Variants in ARHGAP45 observed in about 807,000 individuals in gnomAD.
ARHGAP45 encodes rho GTPase-activating protein 45.
ARHGAP45 carries 56 observed loss-of-function variants against 116.1 expected under a neutral mutation model. That is an observed-to-expected ratio of 0.48 (90% CI 0.39 to 0.60). ARHGAP45 has a LOEUF of 0.60. Among genes scored for constraint, ARHGAP45 ranks in the 20% least tolerant of loss-of-function variants. The probability of loss-of-function intolerance (pLI) is 0.00; values close to 1 mark genes in which losing one functional copy is unlikely to be tolerated. For synonymous variants in ARHGAP45, 866 were observed against 701.7 expected (o/e 1.23, Z -3.70); for missense variants, 1,622 against 1,601.0 (o/e 1.01, Z -0.22).
At position 1,079,725 on chromosome 19, in the gene ARHGAP45, AC is replaced by A. The variant is rs1472390743; in HGVS notation, c.1399del (p.Arg467AlafsTer19). 6.2e-7 allele frequency: 1 copy of A among 1,612,484 alleles called. No homozygotes were observed. Among genetic ancestry groups the A allele is most frequent in the Non-Finnish European group, 8.5e-7 (1 of 1,179,764 alleles). On this transcript the variant is annotated frameshift_variant, in exon 12 of 23. Coordinates refer to ENST00000313093, the MANE Select transcript of ARHGAP45 (RefSeq NM_012292.5). LOFTEE classifies it high-confidence loss of function. ...KNKAEEAMAT[Y>X]RTCVADAKTQ... ...CAGGCGGAGGAAGCTATGGCCACCTACCGCACCTGCGTGGCCGACGCGAAGA... is the reference window on the plus strand; with the variant it reads ...CAGGCGGAGGAAGCTATGGCCACCTACGCACCTGCGTGGCCGACGCGAAGA...
At chr19:1,076,598 G>T (rs1445583972) in intron 10 of ARHGAP45, among the ~76,000 whole-genome samples, 3 of 143,234 alleles carry the variant, frequency 2.1e-5, no homozygotes, top group Admixed American at 1.5e-4. Context: ...CTGGGCTCAA[G>T]CGATTCTTCT....
rs1265385938 is a variant in ARHGAP45, at chr19:1,076,481, GTCTTTTTTTT to G, written c.1186-1374_1186-1365del. On this transcript the variant is annotated intron_variant, in intron 10 of 22. Transcript: ENST00000313093. Reference sequence around the variant, plus strand: ...TAGAAACCTGTGATTGTTGGCAGTAGTCTTTTTTTTTTTTTTTTTTTTTTTTTTTTTTGAG... The same window carrying G: ...TAGAAACCTGTGATTGTTGGCAGTAGTTTTTTTTTTTTTTTTTTTTTTGAG... 1.8e-3 allele frequency among the ~76,000 whole-genome samples: 189 copies of G among 104,164 alleles called. 2 individuals carry two copies. Among genetic ancestry groups the G allele is most frequent in the African/African-American group, 7.2e-3 (183 of 25,336 alleles). The allele number at this position is 104,164 out of a possible 152,430, so 68.3% of individuals were successfully genotyped here. A position where few individuals can be genotyped will look rare whatever the true frequency, so the allele number is the denominator to read the frequency against.
chr19:1,084,889 C>G lies in ARHGAP45; in HGVS notation c.3064+543C>G, dbSNP rs139388963. 5.9e-3 allele frequency among the ~76,000 whole-genome samples: 896 copies of G among 152,272 alleles called. 5 individuals are homozygous for G. Among genetic ancestry groups the G allele is most frequent in the African/African-American group, 0.021 (858 of 41,554 alleles). On this transcript the variant is annotated intron_variant, in intron 22 of 22. Transcript: ENST00000313093. ...TTGAGGTTAGGAGTTCAAGACCAGC[C>G]TGACCAACATGGTGAAATCCCATCT...
In ARHGAP45 at chr19:1,084,955, A is replaced by C. The variant is rs143803530; in HGVS notation, c.3064+609A>C. On this transcript the variant is annotated intron_variant, in intron 22 of 22. Coordinates refer to ENST00000313093, the MANE Select transcript of ARHGAP45 (RefSeq NM_012292.5). ...AAATTAGACAGGTGTGGTGGAGGGC[A>C]CCTGTAATCCCAGCTACTCAGGAGG... Among the ~76,000 whole-genome samples, 237 of 152,190 alleles carry C rather than the reference A, an allele frequency of 1.6e-3. 5 individuals carry two copies. The East Asian group carries it at 0.04, about 26-fold the overall frequency.
At position 1,083,245 on chromosome 19, in the gene ARHGAP45, C is replaced by T. The variant is rs980437921; in HGVS notation, c.2847C>T (p.Ser949=). 4 of 1,605,010 alleles carry T rather than the reference C, an allele frequency of 2.5e-6. No individual in the cohort carries two copies. Among genetic ancestry groups the T allele is most frequent in the Non-Finnish European group, 2.6e-6 (3 of 1,176,174 alleles). The change falls in exon 21 of 23, where the codon TCC becomes TCT. Residue 949 remains serine, a synonymous_variant. Coordinates refer to ENST00000313093, the MANE Select transcript of ARHGAP45 (RefSeq NM_012292.5). ...CACGGCCCACCGAGGCCACCGTGTCCCTCTCCTCCCTGGTGGATTATCCCC... is the reference window on the plus strand; with the variant it reads ...CACGGCCCACCGAGGCCACCGTGTCTCTCTCCTCCCTGGTGGATTATCCCC... ...LRPRPTEATV[S]LSSLVDYPHQ... is the part of the protein sequence containing the mutation.
chr19:1,077,312 C>T (rs1193079861), intron 10 of ARHGAP45: 2 of 984,564 alleles, frequency 2.0e-6, no homozygotes, highest in East Asian at 2.3e-4. Flanking sequence ...TCCCGGGCTG[C>T]AGAGTGGGCA....
rs753146029 is a variant in ARHGAP45 at position 1,081,799 on chromosome 19, C to T, written c.2380-25C>T. The T allele has an allele frequency of 1.4e-5, 23 of 1,589,886 alleles. No individual in the cohort carries two copies. The South Asian group carries it at 2.1e-4, about 15-fold the overall frequency. ...GCGGGAGTGGGCCGAGGCTGATGGG[C>T]CTCCCCACCCCCGGGCTCCCGCAGG... On this transcript the variant is annotated intron_variant, in intron 18 of 22. Coordinates refer to ENST00000313093, the MANE Select transcript of ARHGAP45 (RefSeq NM_012292.5).
intron 13 of ARHGAP45, 65 bp from the exon 14 acceptor site, chr19:1,080,190 G>T (rs2074453): frequency 6.2e-7 from 1 of 1,610,114 alleles, no homozygotes; most frequent in Admixed American, 1.7e-5. Context: ...CTCTGTCGGG[G>T]GCATGAAGAT....
At chr19:1,081,999 G>T in intron 19 of ARHGAP45, 38 bp downstream of exon 19, 1 of 1,598,366 alleles carries the variant, frequency 6.3e-7, no homozygotes. Context: ...GAGCCTGGAA[G>T]GGGCGTAGCC....
Position 1,086,214 on chromosome 19 carries a change from T to G in ARHGAP45, c.*208T>G. 1 of 570,502 alleles carries G rather than the reference T, an allele frequency of 1.8e-6. No individual in the cohort carries two copies. The allele number at this position is 570,502 out of a possible 1,614,324, so 35.3% of individuals were successfully genotyped here. A position where few individuals can be genotyped will look rare whatever the true frequency, so the allele number is the denominator to read the frequency against. Reference sequence around the variant, plus strand: ...TGCGGCACAGGACTGTGCCCTGTGCTGTCCCCTGCACCCCGGCTCAGCTGA... The same window carrying G: ...TGCGGCACAGGACTGTGCCCTGTGCGGTCCCCTGCACCCCGGCTCAGCTGA... On this transcript the variant is annotated 3_prime_UTR_variant, in exon 23 of 23. Transcript: ENST00000313093.
chr19:1,081,247 C>G (rs2043424910), intron 17 of ARHGAP45, among the ~76,000 whole-genome samples, 183 bp downstream of exon 17: 1 of 152,108 alleles, frequency 6.6e-6, no homozygotes, highest in Non-Finnish European at 1.5e-5. Flanking sequence ...AGGGTTGGCT[C>G]TCTGAGGCAG....
Position 1,086,355 on chromosome 19 carries a change from C to G in ARHGAP45, c.*349C>G, listed in dbSNP as rs1017184972. Reference sequence around the variant, plus strand: ...CATCCCCCAGGTCATCACGGGGACGCAGGAGGCAGGCCCTGCCCTGCCCTC... The same window carrying G: ...CATCCCCCAGGTCATCACGGGGACGGAGGAGGCAGGCCCTGCCCTGCCCTC... On this transcript the variant is annotated 3_prime_UTR_variant, in exon 23 of 23. Coordinates refer to ENST00000313093, the MANE Select transcript of ARHGAP45 (RefSeq NM_012292.5). 2.4e-5 allele frequency: 6 copies of G among 252,594 alleles called. No homozygotes were observed. The highest frequency in any genetic ancestry group is 1.3e-4 in the African/African-American group (6 of 44,454). The allele number at this position is 252,594 out of a possible 1,614,324, so 15.6% of individuals were successfully genotyped here.
chr19:1,075,029 C>A (rs929945555), intron 10 of ARHGAP45, 150 bp downstream of exon 10: 89 of 488,108 alleles, frequency 1.8e-4, no homozygotes, highest in South Asian at 1.4e-3. Context: ...GCTGGGCCGC[C>A]CCCCCCAACG....
rs1568468192 is a variant in ARHGAP45 at position 1,078,053 on chromosome 19, CG to C, written c.1374+11del. ...GAGGAGGCCAAGAACAAGGTGAGGG[CG>C]GGTGGAGGCAGGGCTGGAGGTCCCT... On this transcript the variant is annotated intron_variant, in intron 11 of 22. Coordinates refer to ENST00000313093, the MANE Select transcript of ARHGAP45 (RefSeq NM_012292.5). 1.9e-6 allele frequency: 3 copies of C among 1,545,734 alleles called. No individual in the cohort carries two copies. Among genetic ancestry groups the C allele is most frequent in the Non-Finnish European group, 2.6e-6 (3 of 1,140,784 alleles).
chr19:1,081,737 A>C lies in ARHGAP45; in HGVS notation c.2378A>C (p.Lys793Thr), dbSNP rs901596687. ...ATCGAGCGGCGGGCGCTGCGCACCA[A>C]GGTGAGGCGGGGGAGGAAGCGGCTC... is the stretch of plus-strand genomic sequence containing the variant. ...CEIERRALRT[K>T]GIYRVNGVKT... The change falls in exon 18 of 23, where the codon AAG (lysine) becomes ACG (threonine). Residue 793 changes from lysine to threonine, a missense_variant and splice_region_variant. Coordinates refer to ENST00000313093, the MANE Select transcript of ARHGAP45 (RefSeq NM_012292.5). The C allele has an allele frequency of 2.6e-6, 4 of 1,567,056 alleles. No homozygotes were observed. Among genetic ancestry groups the C allele is most frequent in the African/African-American group, 1.4e-5 (1 of 73,958 alleles).
chr19:1,082,472 C>T (rs1027434959), intron 19 of ARHGAP45: 47 of 352,900 alleles, frequency 1.3e-4, no homozygotes, highest in African/African-American at 9.4e-4. Context: ...GGGACTGGGG[C>T]TAGGGGCGTG....
In ARHGAP45 at chr19:1,071,579, G is replaced by C. The variant is rs2145019067; in HGVS notation, c.422-1570G>C. ...GGGGTCCGTGCGCCGGCCGCGCGCGGAGTGCCGGGTGCCCGGCTGGAAGGT... is the reference window on the plus strand; with the variant it reads ...GGGGTCCGTGCGCCGGCCGCGCGCGCAGTGCCGGGTGCCCGGCTGGAAGGT... On this transcript the variant is annotated intron_variant, in intron 2 of 22. Transcript: ENST00000313093. This position sits in a 1 kb window ranked among gnomAD's most constrained non-coding sequence, Gnocchi z 4.6. 1 of 184,948 alleles carries C rather than the reference G, an allele frequency of 5.4e-6. No individual in the cohort carries two copies. The highest frequency in any genetic ancestry group is 2.4e-5 in the African/African-American group (1 of 42,072). The allele number at this position is 184,948 out of a possible 1,614,324, so 11.5% of individuals were successfully genotyped here.
At position 1,067,193 on chromosome 19, in the gene ARHGAP45, G is replaced by C. The variant is rs1022855006; in HGVS notation, c.-213G>C. The C allele has an allele frequency of 2.3e-6, 3 of 1,328,716 alleles. No individual in the cohort carries two copies. Among genetic ancestry groups the C allele is most frequent in the Non-Finnish European group, 2.9e-6 (3 of 1,044,312 alleles). 82.3% of individuals were successfully genotyped at this position (1,328,716 alleles called of 1,614,324 possible). A position where few individuals can be genotyped will look rare whatever the true frequency, so the allele number is the denominator to read the frequency against. On this transcript the variant is annotated 5_prime_UTR_variant, in exon 1 of 23. Coordinates refer to ENST00000313093, the MANE Select transcript of ARHGAP45 (RefSeq NM_012292.5). ...CTCCGCAGAGCCGCAGGCTGAGGCCGGGAAGGGTCGGGGGCGAGGCCGCGT... is the reference window on the plus strand; with the variant it reads ...CTCCGCAGAGCCGCAGGCTGAGGCCCGGAAGGGTCGGGGGCGAGGCCGCGT...
rs1367382743 is a variant in ARHGAP45 at position 1,068,437 on chromosome 19, T to C, written c.114T>C (p.Ala38=). 6.3e-7 allele frequency: 1 copy of C among 1,575,310 alleles called. No homozygotes were observed. The highest frequency in any genetic ancestry group is 8.6e-7 in the Non-Finnish European group (1 of 1,160,566). The part of the protein sequence containing the change: ...PSGELPRKDG[A]DAVFPGPSLE... ...AGGAGCTGCCCAGGAAGGATGGGGC[T>C]GACGCGGTGTTCCCCGGACCAAGCC... Residue 38 remains alanine (A), a synonymous_variant, in exon 2 of 23, where the codon GCT becomes GCC. Coordinates refer to ENST00000313093, the MANE Select transcript of ARHGAP45 (RefSeq NM_012292.5). The surrounding 1 kb of genome is among the most constrained non-coding windows in gnomAD (Gnocchi z 7.5).
Sources: gnomAD v4.1 joint callset for allele counts (sites outside exome capture counted in the v4.1 genomes callset) on GRCh38, gnomAD v4.1.1 for gene constraint, Gnocchi (gnomAD v3.1) non-coding constraint, MANE v1.5 for transcripts, NCBI Gene and HGNC (gene_info 2026-07-23, HGNC 2026-07-21) for gene names.